The following NEGR1 variants were observed in gnomAD, a reference collection of about 807,000 sequenced individuals.
NEGR1 encodes the protein neuronal growth regulator 1.
In NEGR1, 10 loss-of-function variants were observed where a neutral mutation model predicts 40.9. The ratio of observed to expected loss-of-function variants is 0.24; its 90% CI spans 0.15 to 0.42. The LOEUF is 0.42. Ranked by LOEUF, NEGR1 falls within the 10% of genes least tolerant of loss-of-function variation. NEGR1 has a pLI of 1.00. For synonymous variants in NEGR1, 185 were observed against 166.8 expected (o/e 1.11, Z -0.84); for missense variants, 352 against 438.9 (o/e 0.80, Z 1.77).
chr1:71,689,128 GAA>G (rs1214338440), intron 4 of NEGR1, among the ~76,000 whole-genome samples: 1 of 152,094 alleles, frequency 6.6e-6, no homozygotes. Context: ...TTTAAAGGAT[GAA>G]AAGTTTGCCC....
At chr1:71,992,090 C>A (rs549230933) in intron 1 of NEGR1, among the ~76,000 whole-genome samples, 2 of 151,872 alleles carry the variant, frequency 1.3e-5, no homozygotes. Flanking sequence ...CCGCTGTGCC[C>A]GGGCATGAGT....
At chr1:72,177,229 T>G (rs1652200342) in intron 1 of NEGR1, among the ~76,000 whole-genome samples, 1 of 152,082 alleles carries the variant, frequency 6.6e-6, no homozygotes, top group Non-Finnish European at 1.5e-5. Context: ...GCAACTTTAC[T>G]CATGGTATAT....
chr1:71,737,700 G>T (rs542802455), intron 3 of NEGR1, among the ~76,000 whole-genome samples: 32 of 152,076 alleles, frequency 2.1e-4, no homozygotes, highest in Non-Finnish European at 4.0e-4. Flanking sequence ...ATTAAGAGAA[G>T]ATTTGCAAAA....
intron 2 of NEGR1, among the ~76,000 whole-genome samples, chr1:71,861,220 A>G (rs1659936866): frequency 6.6e-6 from 1 of 152,016 alleles, no homozygotes; most frequent in Non-Finnish European, 1.5e-5. Context: ...CTCATATAAA[A>G]TGACTCATAT....
chr1:71,894,228 T>C (rs1174999292), intron 2 of NEGR1, among the ~76,000 whole-genome samples: 1 of 131,978 alleles, frequency 7.6e-6, no homozygotes, highest in Admixed American at 7.6e-5. Context: ...ATAATAATAA[T>C]AATAAAAAAA....
intron 1 of NEGR1, among the ~76,000 whole-genome samples, chr1:72,179,865 T>C (rs574796520): frequency 2.6e-5 from 4 of 151,984 alleles, no homozygotes; most frequent in African/African-American, 9.6e-5. Flanking sequence ...CTATAAAACA[T>C]TGATGAAAGA....
At chr1:71,837,124 C>T (rs1659064015) in intron 2 of NEGR1, 2 of 152,138 alleles carry the variant, frequency 1.3e-5, no homozygotes, top group Admixed American at 6.6e-5. Context: ...AGCCTATTCA[C>T]AAGTAACTCC....
chr1:72,174,757 T>TA (rs61381342), intron 1 of NEGR1, among the ~76,000 whole-genome samples: 5,243 of 151,868 alleles, frequency 0.035, 306 homozygotes, highest in African/African-American at 0.12. Context: ...CTTATAAAAT[T>TA]AAAAAAAATT....
chr1:72,001,843 T>C (rs1382793474), intron 1 of NEGR1, among the ~76,000 whole-genome samples: 1 of 151,962 alleles, frequency 6.6e-6, no homozygotes, highest in Non-Finnish European at 1.5e-5. Context: ...AGTACATGTA[T>C]ACTCTTGATT....
At chr1:72,070,706 GA>G (rs1421037512) in intron 1 of NEGR1, among the ~76,000 whole-genome samples, 1 of 151,902 alleles carries the variant, frequency 6.6e-6, no homozygotes, top group Non-Finnish European at 1.5e-5. Flanking sequence ...TAAAGTCAAG[GA>G]AAATATATAA....
chr1:71,950,848 A>G (rs1164241602), intron 1 of NEGR1, among the ~76,000 whole-genome samples: 1 of 151,974 alleles, frequency 6.6e-6, no homozygotes, highest in Non-Finnish European at 1.5e-5. Context: ...CTGATGCAAA[A>G]GGACTACATG....
intron 1 of NEGR1, among the ~76,000 whole-genome samples, chr1:72,277,789 G>C (rs1393960067): frequency 1.3e-5 from 2 of 152,034 alleles, no homozygotes; most frequent in East Asian, 3.9e-4. Context: ...TGAAAATATC[G>C]GTAAAGTTGA....
rs77321190 is a variant in NEGR1 at position 72,186,275 on chromosome 1, T to C, written c.176+96044A>G. 4.6e-5 allele frequency among the ~76,000 whole-genome samples: 7 copies of C among 151,912 alleles called. No homozygotes were observed. The East Asian group carries it at 1.2e-3, about 25-fold the overall frequency. On this transcript the variant is annotated intron_variant, in intron 1 of 6. Coordinates refer to ENST00000357731, the MANE Select transcript of NEGR1 (RefSeq NM_173808.3). ...AACATGATTTGTAAAACATTAACTA[T>C]AATCAAGTTTTCTACAAGTTTTACT... is the stretch of plus-strand genomic sequence containing the variant.
chr1:71,767,661 G>T (rs1393969020), intron 3 of NEGR1, among the ~76,000 whole-genome samples: 2 of 152,200 alleles, frequency 1.3e-5, no homozygotes, highest in African/African-American at 4.8e-5. Context: ...GCAGAAATCT[G>T]CATAATTAAA....
intron 1 of NEGR1, among the ~76,000 whole-genome samples, chr1:72,033,738 T>A (rs905431350): frequency 1.1e-4 from 16 of 152,168 alleles, no homozygotes; most frequent in African/African-American, 1.4e-4. Context: ...GTTATTTTTT[T>A]CCATGGTGTA....
intron 4 of NEGR1, among the ~76,000 whole-genome samples, chr1:71,613,589 A>G (rs1300292516): frequency 6.6e-6 from 1 of 151,852 alleles, no homozygotes; most frequent in Non-Finnish European, 1.5e-5. Context: ...CCCGGGAGGC[A>G]GAGGTTGCAG....
chr1:72,068,588 A>G (rs1468154695), intron 1 of NEGR1, among the ~76,000 whole-genome samples: 1 of 152,172 alleles, frequency 6.6e-6, no homozygotes, highest in Admixed American at 6.6e-5. Flanking sequence ...AGAATGATGG[A>G]ATGGATAATT....
At chr1:72,188,684 CT>C (rs1553149114) in intron 1 of NEGR1, among the ~76,000 whole-genome samples, 1 of 151,344 alleles carries the variant, frequency 6.6e-6, no homozygotes, top group Non-Finnish European at 1.5e-5. Context: ...CAATTGTTAG[CT>C]GACATATTAA....
chr1:72,267,013 T>G (rs747202431), intron 1 of NEGR1, among the ~76,000 whole-genome samples: 3 of 151,074 alleles, frequency 2.0e-5, no homozygotes, highest in Non-Finnish European at 4.5e-5. Flanking sequence ...AGCTAATTCC[T>G]TATAATATCG....
Sources: gnomAD v4.1 joint callset for allele counts (sites outside exome capture counted in the v4.1 genomes callset) on GRCh38, gnomAD v4.1.1 for gene constraint, MANE v1.5 for transcripts, NCBI Gene and HGNC (gene_info 2026-07-23, HGNC 2026-07-21) for gene names.